Variants in METTL8 observed in about 807,000 individuals in gnomAD.
METTL8 encodes methyltransferase 8, tRNA N3-cytidine.
In METTL8, 32 loss-of-function variants were observed where a neutral mutation model predicts 48.7. That is an observed-to-expected ratio of 0.66 (90% CI 0.50 to 0.88). The LOEUF (loss-of-function observed/expected upper bound fraction) is 0.88. Among genes scored for constraint, METTL8 ranks in the 40% least tolerant of loss-of-function variants. The probability of loss-of-function intolerance (pLI) is 0.00; values close to 1 mark genes in which losing one functional copy is unlikely to be tolerated. For missense variants in METTL8, 464 were observed against 474.4 expected (o/e 0.98, Z 0.20); for synonymous variants, 136 against 157.1 (o/e 0.87, Z 1.01).
intron 3 of METTL8, among the ~76,000 whole-genome samples, chr2:171,350,708 G>A (rs1369703060): frequency 2.0e-5 from 3 of 152,154 alleles, no homozygotes; most frequent in Admixed American, 1.3e-4. Flanking sequence ...TTTCCCTGAC[G>A]GCCAGTGATG....
intron 2 of METTL8, among the ~76,000 whole-genome samples, chr2:171,362,564 T>A (rs201988330): frequency 1.2e-5 from 1 of 84,566 alleles, no homozygotes. Context: ...CTTAAAAAAA[T>A]AAAAATAAAT....
At chr2:171,408,381 G>A (rs376965900) in intron 1 of METTL8, among the ~76,000 whole-genome samples, 2 of 148,430 alleles carry the variant, frequency 1.3e-5, no homozygotes, top group South Asian at 4.4e-4. Context: ...CGCAACCTCC[G>A]CCTCCCCAGT....
At chr2:171,330,318 T>G (rs1262009032) in intron 7 of METTL8, among the ~76,000 whole-genome samples, 1 of 152,236 alleles carries the variant, frequency 6.6e-6, no homozygotes, top group Non-Finnish European at 1.5e-5. Flanking sequence ...GTATGTGTCT[T>G]GCCAGAATAT....
At chr2:171,376,395 A>G (rs937471295) in intron 2 of METTL8, among the ~76,000 whole-genome samples, 3 of 152,166 alleles carry the variant, frequency 2.0e-5, no homozygotes, top group African/African-American at 7.2e-5. Context: ...ATTGGAAAAA[A>G]GGAAGTCAAA....
At chr2:171,417,432 T>G (rs567664963) in intron 1 of METTL8, among the ~76,000 whole-genome samples, 1 of 152,242 alleles carries the variant, frequency 6.6e-6, no homozygotes, top group South Asian at 2.1e-4. Context: ...TTATATAAGG[T>G]TTGCTTTGTG....
At chr2:171,411,487 G>C (rs1574189970) in intron 1 of METTL8, among the ~76,000 whole-genome samples, 2 of 152,236 alleles carry the variant, frequency 1.3e-5, no homozygotes, top group Middle Eastern at 6.8e-3. Context: ...AAAGCAAATG[G>C]AACAGAATAG....
intron 2 of METTL8, chr2:171,375,336 C>T (rs776969407): frequency 1.9e-5 from 13 of 698,840 alleles, no homozygotes; most frequent in East Asian, 1.0e-4. Context: ...CCAAGTTCCT[C>T]GTTAGCATAG....
chr2:171,317,579 G>C lies in METTL8; in HGVS notation c.*6593C>G, dbSNP rs778651507. ...GCTGGACACTATTTGAAGTCTATGT[G>C]CTCAAGTATTGCTTTTTTTCCCTCT... On this transcript the variant is annotated 3_prime_UTR_variant, in exon 10 of 10. Coordinates refer to ENST00000375258, the MANE Select transcript of METTL8 (RefSeq NM_001321154.2). 7 of 152,226 alleles carry C rather than the reference G, an allele frequency of 4.6e-5. No homozygotes were observed. The highest frequency in any genetic ancestry group is 8.8e-5 in the Non-Finnish European group (6 of 68,036). 9.4% of individuals were successfully genotyped at this position (152,226 alleles called of 1,614,324 possible). A position where few individuals can be genotyped will look rare whatever the true frequency, so the allele number is the denominator to read the frequency against.
At chr2:171,384,021 CAG>C (rs909652783) in intron 2 of METTL8, among the ~76,000 whole-genome samples, 48 of 152,246 alleles carry the variant, frequency 3.2e-4, no homozygotes, top group African/African-American at 1.1e-3. Flanking sequence ...AGAGGCAAAA[CAG>C]GGGAACAGCC....
chr2:171,365,829 C>A (rs1685659666), intron 2 of METTL8, among the ~76,000 whole-genome samples: 1 of 152,224 alleles, frequency 6.6e-6, no homozygotes, highest in African/African-American at 2.4e-5. Flanking sequence ...CTGGACTACA[C>A]TTCAGACAGT....
In METTL8 at chr2:171,322,531, T is replaced by C. The variant is rs1364573078; in HGVS notation, c.*1641A>G. The C allele has an allele frequency of 2.6e-5, 4 of 150,974 alleles. 1 individual carries two copies. The highest frequency in any genetic ancestry group is 4.2e-4 in the South Asian group (2 of 4,758). 9.4% of individuals were successfully genotyped at this position (150,974 alleles called of 1,614,324 possible). On this transcript the variant is annotated 3_prime_UTR_variant, in exon 10 of 10. Coordinates refer to ENST00000375258, the MANE Select transcript of METTL8 (RefSeq NM_001321154.2). Reference sequence around the variant, plus strand: ...GCGGGCGGATCACAAGGTCAGGAGATTGAGACCATCCTGGCTAACATGGTG... The same window carrying C: ...GCGGGCGGATCACAAGGTCAGGAGACTGAGACCATCCTGGCTAACATGGTG...
At chr2:171,366,590 G>A (rs1234471565) in intron 2 of METTL8, among the ~76,000 whole-genome samples, 3 of 152,044 alleles carry the variant, frequency 2.0e-5, no homozygotes, top group Non-Finnish European at 4.4e-5. Flanking sequence ...CTTTAAAACA[G>A]TATTGAAAAA....
intron 2 of METTL8, among the ~76,000 whole-genome samples, chr2:171,375,951 C>T (rs2105515175): frequency 6.6e-6 from 1 of 152,330 alleles, no homozygotes; most frequent in East Asian, 1.9e-4. Flanking sequence ...CAGAGACCTG[C>T]TTCTCCTGCC....
At position 171,416,572 on chromosome 2, in the gene METTL8, T is replaced by G. The variant is rs952059597; in HGVS notation, c.-13+17311A>C. ...GTCCAGATGGCTGCAACACTTAATA[T>G]GGCTATAAAGCTCCATTAGCCTTTA... is the stretch of plus-strand genomic sequence containing the variant. On this transcript the variant is annotated intron_variant, in intron 1 of 9. Transcript: ENST00000375258. 1.2e-4 allele frequency among the ~76,000 whole-genome samples: 19 copies of G among 152,364 alleles called. 1 individual carries two copies. The highest frequency in any genetic ancestry group is 9.2e-4 in the Admixed American group (14 of 15,300).
At chr2:171,330,423 A>G in intron 7 of METTL8, 136 bp downstream of exon 7, 1 of 748,342 alleles carries the variant, frequency 1.3e-6, no homozygotes, top group Non-Finnish European at 2.1e-6. Flanking sequence ...ACTGCCTTTA[A>G]AAGGCTGTGT....
intron 1 of METTL8, among the ~76,000 whole-genome samples, chr2:171,400,468 ACT>A (rs1395373666): frequency 6.6e-6 from 1 of 151,978 alleles, no homozygotes; most frequent in East Asian, 1.9e-4. Context: ...TCATCTCTCA[ACT>A]CTGTTTTTCT....
intron 6 of METTL8, 40 bp from the exon 7 acceptor site, chr2:171,330,738 G>C (rs1685440943): frequency 6.6e-7 from 1 of 1,519,640 alleles, no homozygotes; most frequent in Non-Finnish European, 8.8e-7. Context: ...AGAGGACTTA[G>C]TAGACTTCCG....
rs1163780996 is a variant in METTL8, at chr2:171,322,208, C to T, written c.*1964G>A. The T allele has an allele frequency of 1.3e-5, 2 of 151,898 alleles. No individual in the cohort carries two copies. The highest frequency in any genetic ancestry group is 2.9e-5 in the Non-Finnish European group (2 of 68,020). The allele number at this position is 151,898 out of a possible 1,614,324, so 9.4% of individuals were successfully genotyped here. ...CTTGAACTCCTGACCTCATGATCCG[C>T]CTCCTCGGCCTCCCAAAGTGCTGGG... On this transcript the variant is annotated 3_prime_UTR_variant, in exon 10 of 10. Transcript: ENST00000375258.
At chr2:171,393,753 C>T (rs143793795) in intron 1 of METTL8, among the ~76,000 whole-genome samples, 156 of 152,172 alleles carry the variant, frequency 1.0e-3, no homozygotes, top group African/African-American at 3.3e-3. Flanking sequence ...TGCTATTAGG[C>T]GTAAAAATGC....
Sources: allele counts gnomAD v4.1 joint callset (sites outside exome capture counted in the v4.1 genomes callset), GRCh38; gene constraint gnomAD v4.1.1; transcripts MANE v1.5; gene names NCBI Gene and HGNC (gene_info 2026-07-23, HGNC 2026-07-21).